Variants in PCSK5 observed in about 807,000 individuals in gnomAD.
PCSK5 encodes the protein proprotein convertase subtilisin/kexin type 5.
Under a neutral mutation model 233.2 loss-of-function variants are expected in PCSK5, and 129 were observed. The ratio of observed to expected loss-of-function variants is 0.55; its 90% confidence interval spans 0.48 to 0.64. PCSK5 has a LOEUF of 0.64. Ranked by LOEUF, PCSK5 falls within the 30% of genes least tolerant of loss-of-function variation. The pLI is 0.00. For synonymous variants in PCSK5, 825 were observed against 879.2 expected (o/e 0.94, Z 1.09); for missense variants, 2,076 against 2,430.1 (o/e 0.85, Z 3.06).
intron 20 of PCSK5, chr9:76,194,905 T>C (rs563854276): frequency 3.6e-6 from 1 of 277,378 alleles, no homozygotes; most frequent in African/African-American, 2.3e-5. Context: ...AGAGGAATAC[T>C]ATCAACATGG....
chr9:76,350,460 C>T (rs10869758), intron 35 of PCSK5, among the ~76,000 whole-genome samples: 33,572 of 152,108 alleles, frequency 0.22, 4,531 homozygotes, highest in East Asian at 0.55. Context: ...GATTTATGCA[C>T]TGAGTATTGC....
In PCSK5 at chr9:76,093,580, T is replaced by C. The variant is rs910615047; in HGVS notation, c.895-2310T>C. Among the ~76,000 whole-genome samples, 619 of 144,958 alleles carry C rather than the reference T, an allele frequency of 4.3e-3. 6 individuals carry two copies. The highest frequency in any genetic ancestry group is 0.016 in the African/African-American group (597 of 36,264). On this transcript the variant is annotated intron_variant, in intron 7 of 37. Coordinates refer to ENST00000674117, the MANE Select transcript of PCSK5 (RefSeq NM_001372043.1). The stretch of plus-strand genomic sequence containing the variant: ...TGTCATAATTTTATATATATATATA[T>C]ATACACACACACACACACACGTGCT...
chr9:76,245,429 G>A (rs1826560252), intron 24 of PCSK5, among the ~76,000 whole-genome samples: 1 of 152,132 alleles, frequency 6.6e-6, no homozygotes, highest in Admixed American at 6.5e-5. Flanking sequence ...TTTAAAAAAA[G>A]AGAACCTCTG....
intron 20 of PCSK5, chr9:76,193,513 G>T (rs1490956410): frequency 5.3e-6 from 3 of 562,454 alleles, no homozygotes; most frequent in Non-Finnish European, 9.0e-6. Context: ...GCAGGGAGAT[G>T]GTGAACTGTT....
chr9:75,908,925 CTCTA>C (rs373352037), intron 1 of PCSK5, among the ~76,000 whole-genome samples: 2,121 of 103,476 alleles, frequency 0.02, 24 homozygotes, highest in Middle Eastern at 0.041. Flanking sequence ...CTATCTATCT[CTCTA>C]TCTCTCTCTC....
Position 76,169,685 on chromosome 9 carries a change from A to G in PCSK5, c.1620-19A>G, listed in dbSNP as rs773776965. 1.2e-6 allele frequency: 2 copies of G among 1,611,684 alleles called. No individual in the cohort carries two copies. Among genetic ancestry groups the G allele is most frequent in the South Asian group, 2.2e-5 (2 of 90,644 alleles). On this transcript the variant is annotated intron_variant, in intron 12 of 37. Coordinates refer to ENST00000674117, the MANE Select transcript of PCSK5 (RefSeq NM_001372043.1). ...TGGATTTGAAATATCGCACATAACA[A>G]TGTTTTGTTCACTTTCAGGCTATTT... is the stretch of plus-strand genomic sequence containing the variant.
intron 5 of PCSK5, among the ~76,000 whole-genome samples, chr9:76,058,344 A>T (rs1564001087): frequency 6.6e-6 from 1 of 152,178 alleles, no homozygotes; most frequent in Non-Finnish European, 1.5e-5. Context: ...CGTAAACCAG[A>T]ACCCCTGAGA....
chr9:76,023,227 C>T (rs182928160), intron 3 of PCSK5, among the ~76,000 whole-genome samples: 46 of 152,286 alleles, frequency 3.0e-4, no homozygotes, highest in African/African-American at 1.1e-3. Context: ...GGTATCAGAA[C>T]AGGACAGAGC....
At position 76,181,376 on chromosome 9, in the gene PCSK5, T is replaced by G. The variant is rs1371440709; in HGVS notation, c.2004-22T>G. On this transcript the variant is annotated intron_variant, in intron 15 of 37. Transcript: ENST00000674117. ...TGGTTTGCTCATGACGCTGCCTTCT[T>G]TCTTATTGTTTCACAATGCAGGATC... The G allele has an allele frequency of 2.5e-6, 4 of 1,602,452 alleles. No homozygotes were observed. In the Admixed American group the frequency reaches 6.8e-5, roughly 27 times the overall value.
intron 30 of PCSK5, among the ~76,000 whole-genome samples, chr9:76,314,288 G>A (rs1321129063): frequency 6.6e-6 from 1 of 152,176 alleles, no homozygotes; most frequent in African/African-American, 2.4e-5. Context: ...GCATGGCCTA[G>A]GAATATTGCA....
At position 76,012,683 on chromosome 9, in the gene PCSK5, C is replaced by T. The variant is rs79620200; in HGVS notation, c.412-11055C>T. 3.6e-4 allele frequency among the ~76,000 whole-genome samples: 55 copies of T among 152,220 alleles called. 1 individual carries two copies. In the East Asian group the frequency reaches 0.01, roughly 28 times the overall value. On this transcript the variant is annotated intron_variant, in intron 3 of 37. Coordinates refer to ENST00000674117, the MANE Select transcript of PCSK5 (RefSeq NM_001372043.1). ...ATAAAAGCATAACGATGAGTTATAC[C>T]TGAAGAAGTCATGTTACTAGGAAAA... is the stretch of plus-strand genomic sequence containing the variant.
chr9:76,057,446 G>A lies in PCSK5; in HGVS notation c.633-10509G>A, dbSNP rs1168209876. ...GAGAATGGGCTAGGGTGATTTAAAT[G>A]TAATTGAGCTAACCATTTGGACCAT... On this transcript the variant is annotated intron_variant, in intron 5 of 37. Transcript: ENST00000674117. Among the ~76,000 whole-genome samples, 7 of 152,222 alleles carry A rather than the reference G, an allele frequency of 4.6e-5. No homozygotes were observed. In the South Asian group the frequency reaches 1.5e-3, roughly 32 times the overall value.
chr9:75,897,623 A>C (rs2131189879), intron 1 of PCSK5, among the ~76,000 whole-genome samples: 1 of 151,096 alleles, frequency 6.6e-6, no homozygotes, highest in East Asian at 1.9e-4. Flanking sequence ...CCTCCCTAGG[A>C]ACTGGGATTA....
At chr9:76,073,434 A>G (rs909956691) in intron 7 of PCSK5, among the ~76,000 whole-genome samples, 1 of 152,178 alleles carries the variant, frequency 6.6e-6, no homozygotes, top group Non-Finnish European at 1.5e-5. Context: ...TTTAAACCTT[A>G]GGTAATGTTT....
chr9:76,152,213 C>T (rs1426216914), intron 10 of PCSK5, among the ~76,000 whole-genome samples: 3 of 152,078 alleles, frequency 2.0e-5, no homozygotes, highest in Admixed American at 2.0e-4. Context: ...CGTACGGTGA[C>T]CAGTCTCCTG....
At chr9:76,210,479 T>C (rs1825289733) in intron 20 of PCSK5, among the ~76,000 whole-genome samples, 1 of 152,222 alleles carries the variant, frequency 6.6e-6, no homozygotes, top group Admixed American at 6.5e-5. Flanking sequence ...AGTTTGTTTC[T>C]GCATATGGAT....
intron 24 of PCSK5, among the ~76,000 whole-genome samples, chr9:76,248,079 C>T (rs186657226): frequency 1.2e-4 from 18 of 152,164 alleles, no homozygotes; most frequent in Admixed American, 2.6e-4. Flanking sequence ...CCACCGCTCC[C>T]GACCTTAATC....
chr9:76,302,898 T>C lies in PCSK5; in HGVS notation c.3604+681T>C, dbSNP rs17062408. The stretch of plus-strand genomic sequence containing the variant: ...TACAATAAATGAACCCCTTGCTTTA[T>C]ATAGTTTAGCTACAGTCATTTCTGA... On this transcript the variant is annotated intron_variant, in intron 28 of 37. Coordinates refer to ENST00000674117, the MANE Select transcript of PCSK5 (RefSeq NM_001372043.1). Among the ~76,000 whole-genome samples the C allele has an allele frequency of 1.0e-2, 1,509 of 151,652 alleles. 31 individuals carry two copies. Among genetic ancestry groups the C allele is most frequent in the African/African-American group, 0.035 (1,446 of 41,430 alleles).
chr9:75,910,542 G>T (rs1239350124), intron 1 of PCSK5, among the ~76,000 whole-genome samples: 1 of 150,858 alleles, frequency 6.6e-6, no homozygotes, highest in East Asian at 1.9e-4. Context: ...AGATAGACCT[G>T]TTAATCACTG....
Sources: gnomAD v4.1 joint callset for allele counts (sites outside exome capture counted in the v4.1 genomes callset) on GRCh38, gnomAD v4.1.1 for gene constraint, MANE v1.5 for transcripts, NCBI Gene and HGNC (gene_info 2026-07-23, HGNC 2026-07-21) for gene names.